Variants in MLIP observed in about 807,000 individuals in gnomAD.
MLIP encodes the protein muscular LMNA-interacting protein.
MLIP carries 79 observed loss-of-function variants against 84.8 expected under a neutral mutation model. The ratio of observed to expected loss-of-function variants is 0.93; its 90% CI spans 0.78 to 1.12. The LOEUF is 1.12. Ranked by LOEUF, MLIP falls within the 50% of genes most tolerant of loss-of-function variation. MLIP has a pLI of 0.00. For synonymous variants in MLIP, 504 were observed against 463.0 expected (o/e 1.09, Z -1.14); for missense variants, 1,257 against 1,160.6 (o/e 1.08, Z -1.21).
intron 12 of MLIP, among the ~76,000 whole-genome samples, chr6:54,236,507 C>A (rs1199074814): frequency 6.6e-6 from 1 of 152,150 alleles, no homozygotes; most frequent in Non-Finnish European, 1.5e-5. Context: ...GAGGCTGAGG[C>A]AGGAGAATTG....
In MLIP at chr6:54,233,075, G is replaced by A. The variant is rs116521717; in HGVS notation, c.2922+2158G>A. On this transcript the variant is annotated intron_variant, in intron 12 of 13. Coordinates refer to ENST00000502396, the MANE Select transcript of MLIP (RefSeq NM_001281747.2). ...AACTGGGTGCATCATATCCTATAAG[G>A]ATGCTCAGGTACTTTCTTTTCATCC... Among the ~76,000 whole-genome samples the A allele has an allele frequency of 7.9e-3, 1,209 of 152,246 alleles. 18 individuals carry two copies. Among genetic ancestry groups the A allele is most frequent in the African/African-American group, 0.028 (1,149 of 41,534 alleles).
intron 3 of MLIP, among the ~76,000 whole-genome samples, chr6:54,129,399 T>C (rs1420535080): frequency 6.6e-6 from 1 of 152,128 alleles, no homozygotes; most frequent in African/African-American, 2.4e-5. Context: ...GCTTAAAAAG[T>C]GTCTGATGAA....
chr6:54,059,771 A>G (rs1765862140), intron 1 of MLIP, among the ~76,000 whole-genome samples: 1 of 120,920 alleles, frequency 8.3e-6, no homozygotes, highest in African/African-American at 2.6e-5. Context: ...TAGCTAATGG[A>G]TATGTAAAGA....
chr6:54,143,944 G>T (rs1772554275), intron 4 of MLIP, among the ~76,000 whole-genome samples: 2 of 152,140 alleles, frequency 1.3e-5, no homozygotes, highest in Admixed American at 1.3e-4. Flanking sequence ...ACAAAATTAT[G>T]CATTTAAGGT....
chr6:54,022,637 A>T (rs1022929), intron 1 of MLIP, among the ~76,000 whole-genome samples: 84,578 of 151,966 alleles, frequency 0.56, 25,603 homozygotes, highest in Non-Finnish European at 0.69. Context: ...AACAAAGAGT[A>T]TTACTTATAT....
chr6:54,218,845 CTTACTGTAATTTT>C (rs1157750058), intron 11 of MLIP, among the ~76,000 whole-genome samples: 1 of 151,610 alleles, frequency 6.6e-6, no homozygotes, highest in Non-Finnish European at 1.5e-5. Context: ...ATAACCTCAG[CTTACTGTAATTTT>C]TTACTTAATA....
chr6:54,065,483 A>C (rs1766188454), intron 1 of MLIP, among the ~76,000 whole-genome samples: 1 of 100,920 alleles, frequency 9.9e-6, no homozygotes, highest in African/African-American at 2.5e-5. Context: ...CTTTCCAAGG[A>C]AAAGCAATTA....
intron 8 of MLIP, among the ~76,000 whole-genome samples, chr6:54,161,506 G>A (rs879438589): frequency 1.6e-4 from 25 of 151,522 alleles, no homozygotes; most frequent in African/African-American, 3.6e-4. Context: ...TTCAAAATGC[G>A]TATGATTTTT....
At chr6:54,168,605 A>G (rs1218986484) in intron 8 of MLIP, among the ~76,000 whole-genome samples, 1 of 151,862 alleles carries the variant, frequency 6.6e-6, no homozygotes, top group African/African-American at 2.4e-5. Flanking sequence ...TGACTGGCAC[A>G]CACAGTAGAT....
At chr6:54,098,462 C>T (rs1425912975) in intron 1 of MLIP, among the ~76,000 whole-genome samples, 6 of 150,648 alleles carry the variant, frequency 4.0e-5, no homozygotes, top group Non-Finnish European at 7.4e-5. Context: ...CCACTGTGCT[C>T]GGCTGGGTCT....
At chr6:54,194,688 T>C (rs895904171) in intron 10 of MLIP, among the ~76,000 whole-genome samples, 1 of 152,056 alleles carries the variant, frequency 6.6e-6, no homozygotes, top group Non-Finnish European at 1.5e-5. Flanking sequence ...GTTTTTTCTT[T>C]ATCAAGTTTT....
chr6:54,087,118 T>G (rs1003845774), intron 1 of MLIP, among the ~76,000 whole-genome samples: 1 of 152,196 alleles, frequency 6.6e-6, no homozygotes, highest in Non-Finnish European at 1.5e-5. Flanking sequence ...CAGTGCTCAG[T>G]CAAGATTTTT....
At position 54,127,938 on chromosome 6, in the gene MLIP, C is replaced by T. The variant is rs559019775; in HGVS notation, c.645+3073C>T. Among the ~76,000 whole-genome samples the T allele has an allele frequency of 3.9e-5, 6 of 152,080 alleles. No homozygotes were observed. The South Asian group carries it at 6.2e-4, about 16-fold the overall frequency. On this transcript the variant is annotated intron_variant, in intron 3 of 13. Transcript: ENST00000502396. Reference sequence around the variant, plus strand: ...TTTTCTAGGGGTAGTATTAGAGTTACGGGAGAGGTGAATACACATACAACA... The same window carrying T: ...TTTTCTAGGGGTAGTATTAGAGTTATGGGAGAGGTGAATACACATACAACA...
intron 1 of MLIP, chr6:54,030,791 C>T (rs1016847329): frequency 1.3e-5 from 2 of 151,934 alleles, no homozygotes; most frequent in Non-Finnish European, 1.5e-5. Context: ...GTATGGAGAC[C>T]TTAATTATTT....
intron 13 of MLIP, among the ~76,000 whole-genome samples, chr6:54,262,482 T>C (rs563613674): frequency 1.5e-4 from 23 of 152,194 alleles, no homozygotes; most frequent in African/African-American, 2.2e-4. Context: ...ACCTGGAATT[T>C]GGGATGACAA....
In MLIP at chr6:54,176,581, G is replaced by A. The variant is rs79450176; in HGVS notation, c.2544+7009G>A. On this transcript the variant is annotated intron_variant, in intron 9 of 13. Coordinates refer to ENST00000502396, the MANE Select transcript of MLIP (RefSeq NM_001281747.2). ...TTAAATTTCTTTGGTTTTATTCCAT[G>A]CTCCTGCATAGGAAGAATCAATATT... Among the ~76,000 whole-genome samples, 22 of 151,914 alleles carry A rather than the reference G, an allele frequency of 1.4e-4. No individual in the cohort carries two copies. The East Asian group carries it at 3.1e-3, about 21-fold the overall frequency.
At chr6:54,092,641 TATA>T (rs1482468266) in intron 1 of MLIP, among the ~76,000 whole-genome samples, 1 of 151,902 alleles carries the variant, frequency 6.6e-6, no homozygotes, top group African/African-American at 2.4e-5. Context: ...ACTATATTAT[TATA>T]ATGATATAAA....
At chr6:54,169,829 C>T (rs1341128007) in intron 9 of MLIP, among the ~76,000 whole-genome samples, 1 of 151,612 alleles carries the variant, frequency 6.6e-6, no homozygotes, top group Non-Finnish European at 1.5e-5. Flanking sequence ...CACCTGCTTC[C>T]TGATTTTCTA....
chr6:54,250,091 C>G (rs989411682), intron 12 of MLIP, among the ~76,000 whole-genome samples: 2 of 151,768 alleles, frequency 1.3e-5, no homozygotes. Flanking sequence ...ATGATGCGTC[C>G]AACAATCACA....
Sources: gnomAD v4.1 joint callset for allele counts (sites outside exome capture counted in the v4.1 genomes callset) on GRCh38, gnomAD v4.1.1 for gene constraint, MANE v1.5 for transcripts, NCBI Gene and HGNC (gene_info 2026-07-23, HGNC 2026-07-21) for gene names.